Variants in PKD1 observed in about 807,000 individuals in gnomAD.
PKD1 encodes polycystin-1.
PKD1 carries 81 observed loss-of-function variants against 361.7 expected under a neutral mutation model. The observed-to-expected ratio is 0.22, with a 90% CI of 0.19 to 0.27. The LOEUF is 0.27. Among genes scored for constraint, PKD1 ranks in the 10% least tolerant of loss-of-function variants. PKD1 has a pLI of 1.00. For synonymous variants in PKD1, 3,615 were observed against 2,818.3 expected (o/e 1.28, Z -8.95); for missense variants, 6,399 against 6,118.3 (o/e 1.05, Z -1.53).
At position 2,100,516 on chromosome 16, in the gene PKD1, C is replaced by G; in HGVS notation, c.9448G>C (p.Gly3150Arg). 1 of 1,610,520 alleles carries G rather than the reference C, an allele frequency of 6.2e-7. No individual in the cohort carries two copies. The highest frequency in any genetic ancestry group is 8.5e-7 in the Non-Finnish European group (1 of 1,179,550). ...CTGTCGCCGTCCAGGTGCCGGTGGC[C>G]GCTCCGGCTGTCCACCCCATACAGC... ...IMLYGVDSRS[G>R]HRHLDGDRAF... Residue 3150 changes from glycine to arginine, a missense_variant, in exon 27 of 46, where the codon GGC (glycine) becomes CGC (arginine). By Grantham distance (125) the Gly-to-Arg change is moderately radical. Coordinates refer to ENST00000262304, the MANE Select transcript of PKD1 (RefSeq NM_001009944.3). This position sits in a 1 kb window ranked among gnomAD's most constrained non-coding sequence, Gnocchi z 4.4.
At chr16:2,114,035 G>T in intron 11 of PKD1, 135 bp downstream of exon 11, 1 of 769,366 alleles carries the variant, frequency 1.3e-6, no homozygotes, top group Non-Finnish European at 2.1e-6. Context: ...CCAGCCAGCA[G>T]GACCTGCCCG....
Position 2,118,487 on chromosome 16 carries a change from C to CGG in PKD1, c.530-27_530-26dup, listed in dbSNP as rs770458275. ...CCTAGAAGAGGCAGCCACTGGACCC[C>CGG]GGGTTCTGCTCCTCCTGGCTCCACC... On this transcript the variant is annotated intron_variant, in intron 4 of 45. Transcript: ENST00000262304. The surrounding 1 kb of genome is among the most constrained non-coding windows in gnomAD (Gnocchi z 6.0). The CGG allele has an allele frequency of 8.5e-5, 112 of 1,325,162 alleles. No individual in the cohort carries two copies. Among genetic ancestry groups the CGG allele is most frequent in the Non-Finnish European group, 1.1e-4 (105 of 954,200 alleles). The allele number at this position is 1,325,162 out of a possible 1,614,324, so 82.1% of individuals were successfully genotyped here.
chr16:2,129,420 G>T (rs536384543), intron 1 of PKD1, among the ~76,000 whole-genome samples: 2 of 151,812 alleles, frequency 1.3e-5, no homozygotes. Flanking sequence ...GAGGCACCGC[G>T]CCCGGCTGGA....
chr16:2,097,333 G>T lies in PKD1; in HGVS notation c.10391C>A (p.Ser3464Tyr). Reference sequence around the variant, plus strand: ...CCCCAGCTCACCTGATGCTGAGAAGGATTTGGCAGGCGAGTAGGGGCTGGC... The same window carrying T: ...CCCCAGCTCACCTGATGCTGAGAAGTATTTGGCAGGCGAGTAGGGGCTGGC... The part of the protein sequence containing the change: ...SLASPYSPAK[S>Y]FSASDEDLIQ... The change falls in exon 33 of 46, where the codon TCC becomes TAC. Residue 3464 changes from serine to tyrosine, a missense_variant. Coordinates refer to ENST00000262304, the MANE Select transcript of PKD1 (RefSeq NM_001009944.3). The T allele has an allele frequency of 6.2e-7, 1 of 1,612,832 alleles. No individual in the cohort carries two copies.
intron 16 of PKD1, 166 bp downstream of exon 16, chr16:2,107,717 G>A (rs1596546920): frequency 2.9e-6 from 2 of 693,816 alleles, no homozygotes; most frequent in Non-Finnish European, 5.1e-6. Context: ...TGGCAGGTTT[G>A]GAAGGAAGCA....
At position 2,109,499 on chromosome 16, in the gene PKD1, G is replaced by A; in HGVS notation, c.5668C>T (p.Leu1890=). The A allele has an allele frequency of 5.0e-6, 8 of 1,609,808 alleles. No homozygotes were observed. The highest frequency in any genetic ancestry group is 5.9e-6 in the Non-Finnish European group (7 of 1,179,288). The part of the protein sequence containing the change: ...NLTAEEPIVG[L]VLWASSKVVA... ...ACCTTGCTGCTGGCCCACAGCACCAGGCCCACGATGGGCTCCTCCGCCGTG... is the reference window on the plus strand; with the variant it reads ...ACCTTGCTGCTGGCCCACAGCACCAAGCCCACGATGGGCTCCTCCGCCGTG... Residue 1890 remains leucine, a synonymous_variant, in exon 15 of 46, where the codon CTG becomes TTG. Transcript: ENST00000262304.
At chr16:2,092,262 C>T in intron 39 of PKD1, 74 bp from the exon 40 acceptor site, 2 of 1,483,300 alleles carry the variant, frequency 1.3e-6, no homozygotes, top group African/African-American at 2.8e-5. Flanking sequence ...TGCTGGCCAG[C>T]TCGCCTGAGC....
intron 45 of PKD1, 25 bp downstream of exon 45, chr16:2,090,260 C>CT: frequency 1.2e-6 from 2 of 1,608,398 alleles, no homozygotes; most frequent in South Asian, 1.1e-5. Context: ...GCGTGTCCCT[C>CT]TCCCCCCCAC....
Position 2,109,586 on chromosome 16 carries a change from T to A in PKD1, c.5581A>T (p.Thr1861Ser). The part of the protein sequence containing the change: ...HVTMVFPDAG[T>S]FSIRLNASNA... The stretch of plus-strand genomic sequence containing the variant: ...GAGGCATTGAGCCGGATGGAGAAGG[T>A]GCCAGCATCCGGGAAGACCATGGTG... Residue 1861 changes from threonine (T) to serine (S), a missense_variant, in exon 15 of 46, where the codon ACC becomes TCC. Physicochemically the swap from Thr to Ser is moderately conservative, Grantham distance 58 (BLOSUM62 1). Transcript: ENST00000262304. The A allele has an allele frequency of 6.2e-7, 1 of 1,611,504 alleles. No homozygotes were observed. The highest frequency in any genetic ancestry group is 8.5e-7 in the Non-Finnish European group (1 of 1,179,476).
chr16:2,135,376 G>C, intron 1 of PKD1, 99 bp downstream of exon 1: 4 of 1,066,174 alleles, frequency 3.8e-6, no homozygotes, highest in Non-Finnish European at 4.5e-6. Flanking sequence ...CCCTGGGAGC[G>C]TCCTGGCCCG....
At position 2,112,904 on chromosome 16, in the gene PKD1, C is replaced by T. The variant is rs764425010; in HGVS notation, c.3045G>A (p.Arg1015=). ...CCTGCAGACCCTGCATCCTGTTCAT[C>T]CGCTCCACGGTTACGTTGTAGTTCA... The part of the protein sequence containing the change: ...VTVNYNVTVE[R]MNRMQGLQVS... The change falls in exon 13 of 46, where the codon CGG becomes CGA. Residue 1015 remains arginine (R), a synonymous_variant. Transcript: ENST00000262304. The T allele has an allele frequency of 2.5e-6, 4 of 1,606,688 alleles. No individual in the cohort carries two copies. In the South Asian group the frequency reaches 3.3e-5, roughly 13 times the overall value.
rs548243984 is a variant in PKD1 at position 2,104,754 on chromosome 16, G to A, written c.8017-112C>T. 6.2e-3 allele frequency: 4,821 copies of A among 774,438 alleles called. 17 individuals are homozygous for A. Among genetic ancestry groups the A allele is most frequent in the Non-Finnish European group, 8.0e-3 (3,715 of 465,768 alleles). 48.0% of individuals were successfully genotyped at this position (774,438 alleles called of 1,614,324 possible). A position where few individuals can be genotyped will look rare whatever the true frequency, so the allele number is the denominator to read the frequency against. The stretch of plus-strand genomic sequence containing the variant: ...CCACCCCCAGCCCTGCAGCTGGAGA[G>A]CCCACTTGACTGGACCCCCACAGCC... On this transcript the variant is annotated intron_variant, in intron 21 of 45. Transcript: ENST00000262304.
Position 2,092,042 on chromosome 16 carries a change from C to T in PKD1, c.11411+5G>A. 1 of 1,612,768 alleles carries T rather than the reference C, an allele frequency of 6.2e-7. No homozygotes were observed. The highest frequency in any genetic ancestry group is 8.5e-7 in the Non-Finnish European group (1 of 1,179,960). On this transcript the variant is annotated splice_donor_5th_base_variant and intron_variant, in intron 40 of 45. Transcript: ENST00000262304. ...GTAGACGCCCGGGGCCCTCGCTCTG[C>T]TCACCCCAGCAGATCCGGCGCTGAA...
Position 2,110,882 on chromosome 16 carries a change from G to A in PKD1, c.4285C>T (p.Pro1429Ser), listed in dbSNP as rs1412944108. 3.1e-6 allele frequency: 5 copies of A among 1,611,702 alleles called. No homozygotes were observed. The highest frequency in any genetic ancestry group is 2.2e-5 in the East Asian group (1 of 44,874). Residue 1429 changes from proline (P) to serine (S), a missense_variant, in exon 15 of 46, where the codon CCT becomes TCT. By Grantham distance (74) the Pro-to-Ser change is moderately conservative (BLOSUM62 -1). Coordinates refer to ENST00000262304, the MANE Select transcript of PKD1 (RefSeq NM_001009944.3). Reference sequence around the variant, plus strand: ...TCTCGGTAGATGAACGTCACCTCAGGGCCCCTGGCACGGGTGGGGGCGGCT... The same window carrying A: ...TCTCGGTAGATGAACGTCACCTCAGAGCCCCTGGCACGGGTGGGGGCGGCT... ...EEAAPTRARG[P>S]EVTFIYRDPG...
In PKD1 at chr16:2,094,253, A is replaced by G. The variant is rs201576492; in HGVS notation, c.10500-43T>C. ...CTGTGAATTCATCCCGGCCTCCAGGAGGCAGTTGCAGCCAAGCCCATGTTA... is the reference window on the plus strand; with the variant it reads ...CTGTGAATTCATCCCGGCCTCCAGGGGGCAGTTGCAGCCAAGCCCATGTTA... On this transcript the variant is annotated intron_variant, in intron 34 of 45. Coordinates refer to ENST00000262304, the MANE Select transcript of PKD1 (RefSeq NM_001009944.3). The G allele has an allele frequency of 3.5e-5, 44 of 1,242,924 alleles. No individual in the cohort carries two copies. The East Asian group carries it at 1.0e-3, about 28-fold the overall frequency. 77.0% of individuals were successfully genotyped at this position (1,242,924 alleles called of 1,614,324 possible).
rs777512902 is a variant in PKD1 at position 2,108,966 on chromosome 16, C to A, written c.6201G>T (p.Gln2067His). 6.2e-7 allele frequency: 1 copy of A among 1,609,468 alleles called. No individual in the cohort carries two copies. Among genetic ancestry groups the A allele is most frequent in the South Asian group, 1.1e-5 (1 of 90,830 alleles). The stretch of plus-strand genomic sequence containing the variant: ...AGCGGTTGGTGAAGCAGGGGCCGCT[C>A]TGCAGGGCCACATACTGGACGGCGT... ...VQDAVQYVAL[Q>H]SGPCFTNRSA... The change falls in exon 15 of 46, where the codon CAG (glutamine) becomes CAT (histidine). Residue 2067 changes from glutamine (Q) to histidine (H), a missense_variant. By Grantham distance (24) the Gln-to-His change is conservative. Transcript: ENST00000262304.
At position 2,108,842 on chromosome 16, in the gene PKD1, T is replaced by G. The variant is rs781509436; in HGVS notation, c.6325A>C (p.Arg2109=). ...GSPGQDTDEP[R]AEHSYLRPGD... is the part of the protein sequence containing the mutation. ...GGCCTCAGGTAGGAGTGCTCGGCCCTGGGCTCATCTGTGTCCTGCCCTGGC... is the reference window on the plus strand; with the variant it reads ...GGCCTCAGGTAGGAGTGCTCGGCCCGGGGCTCATCTGTGTCCTGCCCTGGC... The change falls in exon 15 of 46, where the codon AGG becomes CGG. Residue 2109 remains arginine, a synonymous_variant. Coordinates refer to ENST00000262304, the MANE Select transcript of PKD1 (RefSeq NM_001009944.3). The G allele has an allele frequency of 2.5e-6, 4 of 1,572,030 alleles. No homozygotes were observed. The highest frequency in any genetic ancestry group is 3.4e-6 in the Non-Finnish European group (4 of 1,159,832).
chr16:2,105,258 G>C, intron 21 of PKD1, 64 bp downstream of exon 21: 1 of 1,554,554 alleles, frequency 6.4e-7, no homozygotes, highest in Non-Finnish European at 8.7e-7. Context: ...CGTCTGCCCT[G>C]GGGGGCTGAA....
chr16:2,091,002 T>A lies in PKD1; in HGVS notation c.11885A>T (p.Gln3962Leu). Residue 3962 changes from glutamine to leucine, a missense_variant, in exon 43 of 46, where the codon CAG becomes CTG. Physicochemically the swap from Gln to Leu is moderately radical, Grantham distance 113. Coordinates refer to ENST00000262304, the MANE Select transcript of PKD1 (RefSeq NM_001009944.3). ...GCGGCCGCGCACGAAACGGGTCCAC[T>A]GGCGGTCAGCGGCACCCAGCTGGGC... ...RLAQLGAADR[Q>L]WTRFVRGRPR... is the part of the protein sequence containing the mutation. 3 of 1,534,586 alleles carry A rather than the reference T, an allele frequency of 2.0e-6. No individual in the cohort carries two copies. The highest frequency in any genetic ancestry group is 2.6e-6 in the Non-Finnish European group (3 of 1,146,128).
Sources: allele counts gnomAD v4.1 joint callset (sites outside exome capture counted in the v4.1 genomes callset), GRCh38; gene constraint gnomAD v4.1.1; non-coding constraint Gnocchi (gnomAD v3.1); transcripts MANE v1.5; gene names NCBI Gene and HGNC (gene_info 2026-07-23, HGNC 2026-07-21).